COL17A1: variants seen among roughly 807,000 people sequenced by gnomAD.
COL17A1 encodes the protein collagen alpha-1(XVII) chain.
COL17A1 carries 181 observed loss-of-function variants against 218.4 expected under a neutral mutation model. The observed-to-expected ratio is 0.83, with a 90% CI of 0.73 to 0.94. The LOEUF (loss-of-function observed/expected upper bound fraction) is 0.94, where lower values mean the gene tolerates loss of function less well. Among genes scored for constraint, COL17A1 ranks in the 40% least tolerant of loss-of-function variants. The probability of loss-of-function intolerance (pLI) is 0.00; values close to 1 mark genes in which losing one functional copy is unlikely to be tolerated. For synonymous variants in COL17A1, 721 were observed against 731.0 expected, an observed-to-expected ratio of 0.99 and a Z score of 0.22; for missense variants, 1,924 against 1,945.9, an observed-to-expected ratio of 0.99 and a Z score of 0.21.
intron 47 of COL17A1, 122 bp from the exon 48 acceptor site, chr10:104,036,754 G>T: frequency 1.6e-6 from 2 of 1,257,818 alleles, no homozygotes; most frequent in Non-Finnish European, 2.3e-6. Context: ...TGAGTTCTGG[G>T]TCCGCAGGAC....
rs1330336636 is a variant in COL17A1, at chr10:104,055,867, G to A, written c.1602C>T (p.Asp534=). 1.2e-6 allele frequency: 2 copies of A among 1,614,062 alleles called. No homozygotes were observed. Among genetic ancestry groups the A allele is most frequent in the Non-Finnish European group, 1.7e-6 (2 of 1,180,046 alleles). ...CACTGTGCAGCCCAATTTTGTCCAG[G>A]TCTGCTCCCGCCGCGGGTGCCATGC... ...LQGMAPAAGA[D]LDKIGLHSDS... The change falls in exon 18 of 56, where the codon GAC becomes GAT. Residue 534 remains aspartate (D), a synonymous_variant. Coordinates refer to ENST00000648076, the MANE Select transcript of COL17A1 (RefSeq NM_000494.4).
intron 48 of COL17A1, among the ~76,000 whole-genome samples, chr10:104,036,066 A>AGTATGGGTGTG: frequency 1.2e-4 from 1 of 8,054 alleles, no homozygotes. Context: ...GTATGGGAGT[A>AGTATGGGTGTG]TGTGTATGGG....
chr10:104,037,886 CA>C, intron 45 of COL17A1, 113 bp from the exon 46 acceptor site: 1 of 1,356,376 alleles, frequency 7.4e-7, no homozygotes, highest in Non-Finnish European at 1.0e-6. Flanking sequence ...CACATGGGCC[CA>C]AGGCTGGGCC....
intron 1 of COL17A1, among the ~76,000 whole-genome samples, chr10:104,082,472 T>A (rs1425096367): frequency 6.6e-6 from 1 of 152,204 alleles, no homozygotes; most frequent in East Asian, 1.9e-4. Flanking sequence ...TTGGGGAGAT[T>A]AAACCTTTAA....
At chr10:104,069,142 C>T (rs1437916442) in intron 9 of COL17A1, among the ~76,000 whole-genome samples, 1 of 152,130 alleles carries the variant, frequency 6.6e-6, no homozygotes, top group East Asian at 1.9e-4. Flanking sequence ...GGAAGACCTC[C>T]TGGGTTAAGG....
In COL17A1 at chr10:104,059,622, T is replaced by C. The variant is rs2086563720; in HGVS notation, c.1222+16A>G. 1.2e-6 allele frequency: 2 copies of C among 1,608,936 alleles called. No homozygotes were observed. The highest frequency in any genetic ancestry group is 1.7e-6 in the Non-Finnish European group (2 of 1,175,320). ...TGGCTGAAGTCAAGGTGGACAACAA[T>C]CATATTTGTTCTTACCATTAGCTTC... On this transcript the variant is annotated intron_variant, in intron 15 of 55. Transcript: ENST00000648076.
At chr10:104,072,161 T>TG in intron 7 of COL17A1, 82 bp from the exon 8 acceptor site, 1 of 1,591,026 alleles carries the variant, frequency 6.3e-7, no homozygotes, top group South Asian at 1.1e-5. Context: ...TAGCAGCAGA[T>TG]GGCCCTTTAG....
In COL17A1 at chr10:104,035,252, C is replaced by T. The variant is rs766476513; in HGVS notation, c.3619+11G>A. 4 of 1,609,140 alleles carry T rather than the reference C, an allele frequency of 2.5e-6. No individual in the cohort carries two copies. In the South Asian group the frequency reaches 3.3e-5, roughly 13 times the overall value. ...CCCCTGCCCTCCCCATCCCACTCCA[C>T]AGTGCCCTACTATGTAAGTAAGACG... is the stretch of plus-strand genomic sequence containing the variant. On this transcript the variant is annotated intron_variant, in intron 50 of 55. Transcript: ENST00000648076.
rs199936734 is a variant in COL17A1 at position 104,035,533 on chromosome 10, G to T, written c.3449C>A (p.Pro1150His). 10 of 1,613,966 alleles carry T rather than the reference G, an allele frequency of 6.2e-6. No homozygotes were observed. The African/African-American group carries it at 9.3e-5, about 15-fold the overall frequency. Reference sequence around the variant, plus strand: ...TCCCGGCAAGCCAGGGGGCCCCGGGGGACCAGGAAGCCCAATGCTGATCCC... The same window carrying T: ...TCCCGGCAAGCCAGGGGGCCCCGGGTGACCAGGAAGCCCAATGCTGATCCC... ...SSGISIGLPG[P>H]PGPPGLPGTS... The change falls in exon 49 of 56, where the codon CCC becomes CAC. Residue 1150 changes from proline to histidine, a missense_variant. Pro to His is a moderately conservative substitution (Grantham distance 77, BLOSUM62 -2). Coordinates refer to ENST00000648076, the MANE Select transcript of COL17A1 (RefSeq NM_000494.4).
Position 104,054,118 on chromosome 10 carries a change from C to G in COL17A1, c.1745G>C (p.Gly582Ala). ...TGGAGTCCCAGGGAACCCTCGATCT[C>G]CTGCAGGAACAAAGGCAAAAGAGAG... Reference protein sequence around the residue: ...KGDMGSPGPKGDRGFPGTPGI... With the variant: ...KGDMGSPGPKADRGFPGTPGI... The change falls in exon 21 of 56, where the codon GGA (glycine) becomes GCA (alanine). Residue 582 changes from glycine to alanine, a missense_variant and splice_region_variant. Transcript: ENST00000648076. The G allele has an allele frequency of 2.5e-6, 4 of 1,607,650 alleles. No homozygotes were observed. The highest frequency in any genetic ancestry group is 3.4e-6 in the Non-Finnish European group (4 of 1,176,978).
At chr10:104,074,980 C>T (rs752355032) in intron 5 of COL17A1, among the ~76,000 whole-genome samples, 1 of 152,220 alleles carries the variant, frequency 6.6e-6, no homozygotes, top group Non-Finnish European at 1.5e-5. Flanking sequence ...TCTTCTTCTA[C>T]GACTCCTTCT....
rs2086538384 is a variant in COL17A1, at chr10:104,057,186, A to G, written c.1268-14T>C. The G allele has an allele frequency of 1.2e-6, 2 of 1,613,828 alleles. No individual in the cohort carries two copies. The highest frequency in any genetic ancestry group is 2.7e-5 in the African/African-American group (2 of 74,910). ...AGCTGTGGATATCTGTGAAAGAGAC[A>G]GGGAAAATGAAGCAAATGCAGGCAG... On this transcript the variant is annotated splice_polypyrimidine_tract_variant and intron_variant, in intron 16 of 55. Coordinates refer to ENST00000648076, the MANE Select transcript of COL17A1 (RefSeq NM_000494.4).
At chr10:104,073,892 A>G in intron 6 of COL17A1, 1 of 394,214 alleles carries the variant, frequency 2.5e-6, no homozygotes, top group South Asian at 2.4e-5. Flanking sequence ...GAATCCCTAC[A>G]ATTATTGCTT....
chr10:104,065,480 T>C (rs1335546353), intron 9 of COL17A1, among the ~76,000 whole-genome samples: 2 of 152,150 alleles, frequency 1.3e-5, no homozygotes, highest in African/African-American at 4.8e-5. Flanking sequence ...GACATGTTGG[T>C]TTTCTGACTT....
chr10:104,033,051 A>G, intron 53 of COL17A1, 83 bp from the exon 54 acceptor site: 4 of 1,552,300 alleles, frequency 2.6e-6, no homozygotes, highest in Non-Finnish European at 3.5e-6. Context: ...AGAGTAACAC[A>G]GAGAGATAGT....
intron 48 of COL17A1, 103 bp from the exon 49 acceptor site, chr10:104,035,666 A>G: frequency 1.1e-6 from 1 of 880,454 alleles, no homozygotes; most frequent in Non-Finnish European, 1.8e-6. Flanking sequence ...GTGGGGTCCA[A>G]GAAAGAAAAG....
chr10:104,034,167 T>C lies in COL17A1; in HGVS notation c.3934A>G (p.Ser1312Gly). 6.2e-7 allele frequency: 1 copy of C among 1,613,654 alleles called. No homozygotes were observed. Among genetic ancestry groups the C allele is most frequent in the Non-Finnish European group, 8.5e-7 (1 of 1,179,962 alleles). ...GAGCCTGCACCACCTCCTCCTGTGC[T>C]CATGGAAGAGCTGTAGGAGCTGCCC... ...RRGSSYSSSM[S>G]TGGGGAGSLG... The change falls in exon 52 of 56, where the codon AGC becomes GGC. Residue 1312 changes from serine to glycine, a missense_variant. Coordinates refer to ENST00000648076, the MANE Select transcript of COL17A1 (RefSeq NM_000494.4).
At chr10:104,056,913 ACAGG>A (rs2086533789) in intron 17 of COL17A1, 58 bp downstream of exon 17, 1 of 1,548,568 alleles carries the variant, frequency 6.5e-7, no homozygotes, top group Non-Finnish European at 8.7e-7. Context: ...TGCCCTTCTG[ACAGG>A]CAGTGGGGCT....
Position 104,077,442 on chromosome 10 carries a change from C to T in COL17A1, c.182G>A (p.Ser61Asn), listed in dbSNP as rs921535737. ...RLEKQSLTHG[S>N]SGYINSTGST... ...CTCACTTGAGTTTATGTAGCCGCTG[C>T]TGCCATGAGTCAGGCTTTGTTTCTC... The change falls in exon 4 of 56, where the codon AGC (serine) becomes AAC (asparagine). Residue 61 changes from serine to asparagine, a missense_variant. By Grantham distance (46) the Ser-to-Asn change is conservative. Coordinates refer to ENST00000648076, the MANE Select transcript of COL17A1 (RefSeq NM_000494.4). 1 of 1,613,106 alleles carries T rather than the reference C, an allele frequency of 6.2e-7. No homozygotes were observed. Among genetic ancestry groups the T allele is most frequent in the Non-Finnish European group, 8.5e-7 (1 of 1,179,722 alleles).
Sources: gnomAD v4.1 joint callset for allele counts (sites outside exome capture counted in the v4.1 genomes callset) on GRCh38, gnomAD v4.1.1 for gene constraint, MANE v1.5 for transcripts, NCBI Gene and HGNC (gene_info 2026-07-23, HGNC 2026-07-21) for gene names.